TNR: variants seen among roughly 807,000 people sequenced by gnomAD.
TNR encodes the protein tenascin R, also known as tenascin-R.
A neutral mutation model predicts 150.4 loss-of-function variants in TNR; 45 were observed. That is an observed-to-expected ratio of 0.30 (90% confidence interval 0.24 to 0.38). The LOEUF (loss-of-function observed/expected upper bound fraction) is 0.38. Ranked by LOEUF, TNR falls within the 10% of genes least tolerant of loss-of-function variation. The pLI is 1.00. For synonymous variants in TNR, 687 were observed against 678.4 expected (o/e 1.01, Z -0.20); for missense variants, 1,544 against 1,759.1 (o/e 0.88, Z 2.19).
At chr1:175,590,232 G>A (rs867509275) in intron 1 of TNR, among the ~76,000 whole-genome samples, 70 of 152,178 alleles carry the variant, frequency 4.6e-4, no homozygotes, top group African/African-American at 1.6e-3. Flanking sequence ...ACCTGTAGTA[G>A]TCATTATTGT....
chr1:175,496,259 C>T (rs859392), intron 2 of TNR, among the ~76,000 whole-genome samples: 5,946 of 152,106 alleles, frequency 0.039, 286 homozygotes, highest in African/African-American at 0.12. Flanking sequence ...GAGTCAAATT[C>T]GTCTCACTAA....
chr1:175,390,894 A>T (rs1469407644), intron 7 of TNR, among the ~76,000 whole-genome samples: 1 of 152,252 alleles, frequency 6.6e-6, no homozygotes, highest in South Asian at 2.1e-4. Context: ...CTTGTAAAAT[A>T]AATTGAAGTT....
intron 1 of TNR, among the ~76,000 whole-genome samples, chr1:175,702,183 T>C: frequency 6.6e-6 from 1 of 152,222 alleles, no homozygotes; most frequent in East Asian, 1.9e-4. Flanking sequence ...GTGTGCTAAA[T>C]GACCACACAC....
chr1:175,738,603 G>C (rs982203760), intron 1 of TNR, among the ~76,000 whole-genome samples: 1 of 152,174 alleles, frequency 6.6e-6, no homozygotes, highest in African/African-American at 2.4e-5. Context: ...GATGATGGTT[G>C]CATACAATGT....
At chr1:175,394,064 C>T (rs1391375910) in intron 5 of TNR, among the ~76,000 whole-genome samples, 169 bp from the exon 6 acceptor site, 1 of 152,240 alleles carries the variant, frequency 6.6e-6, no homozygotes, top group Non-Finnish European at 1.5e-5. Context: ...AGAATCAACC[C>T]ACCCCATGTG....
rs2102137455 is a variant in TNR at position 175,489,588 on chromosome 1, GACC to G, written c.-64+38678_-64+38680del. Among the ~76,000 whole-genome samples the G allele has an allele frequency of 2.0e-5, 3 of 152,314 alleles. No homozygotes were observed. In the East Asian group the frequency reaches 5.8e-4, roughly 29 times the overall value. On this transcript the variant is annotated intron_variant, in intron 2 of 22. Transcript: ENST00000367674. The stretch of plus-strand genomic sequence containing the variant: ...GCCCTGTGGTCTCTTTGCCCTGGGA[GACC>G]TGAAACACTAGGGCTCATGGGAGGA...
intron 1 of TNR, among the ~76,000 whole-genome samples, chr1:175,696,282 G>T (rs1356359472): frequency 7.0e-6 from 1 of 142,774 alleles, no homozygotes; most frequent in Non-Finnish European, 1.5e-5. Flanking sequence ...AGATAAAAGG[G>T]TAAAGCCCCC....
intron 1 of TNR, among the ~76,000 whole-genome samples, chr1:175,726,660 C>T (rs1284242936): frequency 6.6e-6 from 1 of 152,142 alleles, no homozygotes; most frequent in African/African-American, 2.4e-5. Context: ...GCAAGATCTG[C>T]ATTTGAGGTT....
chr1:175,504,321 C>T (rs1424263836), intron 2 of TNR, among the ~76,000 whole-genome samples: 3 of 152,024 alleles, frequency 2.0e-5, no homozygotes, highest in Non-Finnish European at 4.4e-5. Flanking sequence ...AAGGTAGGTA[C>T]CATTAGTATC....
chr1:175,340,014 G>A (rs1340283334), intron 18 of TNR, among the ~76,000 whole-genome samples: 3 of 152,168 alleles, frequency 2.0e-5, no homozygotes, highest in Non-Finnish European at 4.4e-5. Flanking sequence ...ACTTAGACAA[G>A]GGGAGTTTTG....
intron 1 of TNR, among the ~76,000 whole-genome samples, chr1:175,704,526 C>T (rs894341232): frequency 3.3e-5 from 5 of 152,312 alleles, no homozygotes; most frequent in African/African-American, 7.2e-5. Flanking sequence ...TGCTGGAAGT[C>T]GGCCCTGATC....
intron 1 of TNR, among the ~76,000 whole-genome samples, chr1:175,727,123 G>C (rs1017857874): frequency 1.2e-4 from 19 of 152,218 alleles, no homozygotes; most frequent in Admixed American, 9.2e-4. Context: ...CTGACTCTAC[G>C]ACCTTGCTGG....
chr1:175,629,465 C>T (rs952557888), intron 1 of TNR, among the ~76,000 whole-genome samples: 2 of 152,000 alleles, frequency 1.3e-5, no homozygotes, highest in East Asian at 1.9e-4. Flanking sequence ...ACAGCCAGTG[C>T]GTGGCATTGC....
intron 21 of TNR, among the ~76,000 whole-genome samples, chr1:175,326,500 T>A (rs191580874): frequency 1.3e-5 from 2 of 152,310 alleles, no homozygotes; most frequent in East Asian, 3.9e-4. Flanking sequence ...TAACTCAACA[T>A]GACATGATCT....
chr1:175,372,324 C>G (rs1272650230), intron 9 of TNR, among the ~76,000 whole-genome samples: 1 of 152,226 alleles, frequency 6.6e-6, no homozygotes, highest in Non-Finnish European at 1.5e-5. Context: ...AAAGCAGAGG[C>G]TGCTAACTAA....
At chr1:175,569,804 G>A (rs968322107) in intron 1 of TNR, among the ~76,000 whole-genome samples, 1 of 152,138 alleles carries the variant, frequency 6.6e-6, no homozygotes, top group African/African-American at 2.4e-5. Flanking sequence ...TTCTTATCGG[G>A]CAGGCAGATT....
At chr1:175,596,284 T>C (rs977778300) in intron 1 of TNR, among the ~76,000 whole-genome samples, 1 of 152,196 alleles carries the variant, frequency 6.6e-6, no homozygotes, top group Non-Finnish European at 1.5e-5. Flanking sequence ...GAGCTGGAGC[T>C]GAGGAGTGGA....
At chr1:175,535,573 G>T (rs1660245618) in intron 1 of TNR, among the ~76,000 whole-genome samples, 1 of 151,566 alleles carries the variant, frequency 6.6e-6, no homozygotes, top group African/African-American at 2.4e-5. Context: ...CTATTCTCCT[G>T]CCTCAGCCTC....
rs145361595 is a variant in TNR, at chr1:175,579,793, A to G, written c.-164-51424T>C. On this transcript the variant is annotated intron_variant, in intron 1 of 22. Transcript: ENST00000367674. ...GCAGCACCACCCACCCTTCTTTCCC[A>G]TAGTCCTTCCCTTGGATACCCAACT... 7.8e-3 allele frequency among the ~76,000 whole-genome samples: 1,182 copies of G among 152,068 alleles called. 12 individuals carry two copies. Among genetic ancestry groups the G allele is most frequent in the African/African-American group, 0.027 (1,120 of 41,462 alleles).
Sources: gnomAD v4.1 joint callset for allele counts (sites outside exome capture counted in the v4.1 genomes callset) on GRCh38, gnomAD v4.1.1 for gene constraint, MANE v1.5 for transcripts, NCBI Gene and HGNC (gene_info 2026-07-23, HGNC 2026-07-21) for gene names.